Variants in GADL1 observed in about 807,000 individuals in gnomAD.
GADL1 encodes acidic amino acid decarboxylase GADL1.
A neutral mutation model predicts 69.5 loss-of-function variants in GADL1; 71 were observed. The ratio of observed to expected loss-of-function variants is 1.02; its 90% CI spans 0.84 to 1.25. GADL1 has a LOEUF of 1.25. GADL1 is among the 50% of genes most tolerant of loss of function. GADL1 has a pLI of 0.00. For missense variants in GADL1, 737 were observed against 631.8 expected, an observed-to-expected ratio of 1.17 and a Z score of -1.79; for synonymous variants, 254 against 214.4, an observed-to-expected ratio of 1.18 and a Z score of -1.62.
chr3:30,766,991 A>T (rs1696296644), intron 14 of GADL1, among the ~76,000 whole-genome samples: 1 of 152,232 alleles, frequency 6.6e-6, no homozygotes, highest in Admixed American at 6.5e-5. Context: ...AGGTAACAGG[A>T]TGAATAATAA....
intron 12 of GADL1, among the ~76,000 whole-genome samples, chr3:30,791,267 C>CA (rs1378938765): frequency 6.6e-6 from 1 of 152,134 alleles, no homozygotes; most frequent in Non-Finnish European, 1.5e-5. Context: ...TTTTCAGGCA[C>CA]AAATGTACTG....
intron 14 of GADL1, among the ~76,000 whole-genome samples, chr3:30,752,057 C>T (rs1033327060): frequency 6.6e-6 from 1 of 152,190 alleles, no homozygotes; most frequent in Non-Finnish European, 1.5e-5. Context: ...GCTACCCAGG[C>T]CCATGTGCTG....
chr3:30,842,310 T>C (rs530045541), intron 8 of GADL1, among the ~76,000 whole-genome samples: 5 of 152,078 alleles, frequency 3.3e-5, no homozygotes, highest in Admixed American at 1.3e-4. Context: ...TATACTCAAC[T>C]ATTTATAGAT....
intron 1 of GADL1, among the ~76,000 whole-genome samples, chr3:30,869,643 T>G (rs1444575590): frequency 6.6e-6 from 1 of 151,778 alleles, no homozygotes; most frequent in East Asian, 1.9e-4. Flanking sequence ...TATTTTTTTT[T>G]GAAAAGAGCA....
chr3:30,772,231 G>A (rs1223143083), intron 14 of GADL1, among the ~76,000 whole-genome samples: 1 of 152,156 alleles, frequency 6.6e-6, no homozygotes, highest in Non-Finnish European at 1.5e-5. Context: ...TGTTATAAAT[G>A]ACTAACATTA....
intron 14 of GADL1, among the ~76,000 whole-genome samples, chr3:30,768,842 A>AT (rs1696350034): frequency 6.6e-6 from 1 of 152,196 alleles, no homozygotes; most frequent in Non-Finnish European, 1.5e-5. Flanking sequence ...TTTTCACAGC[A>AT]TTTGTTCACT....
intron 11 of GADL1, among the ~76,000 whole-genome samples, chr3:30,823,312 A>G (rs188818109): frequency 2.6e-5 from 4 of 152,092 alleles, no homozygotes; most frequent in African/African-American, 7.2e-5. Flanking sequence ...GACCTGGAGT[A>G]TTATCACTTC....
chr3:30,810,340 C>G (rs1273240090), intron 11 of GADL1, among the ~76,000 whole-genome samples: 1 of 152,074 alleles, frequency 6.6e-6, no homozygotes, highest in African/African-American at 2.4e-5. Context: ...GAGAAAACAT[C>G]AGCATTTCAA....
chr3:30,761,324 A>G (rs1696125561), intron 14 of GADL1, among the ~76,000 whole-genome samples: 1 of 152,186 alleles, frequency 6.6e-6, no homozygotes, highest in African/African-American at 2.4e-5. Flanking sequence ...AATTGACTCA[A>G]TATTGGTGAA....
chr3:30,819,885 AAATT>A, intron 11 of GADL1, among the ~76,000 whole-genome samples: 1 of 152,084 alleles, frequency 6.6e-6, no homozygotes, highest in East Asian at 1.9e-4. Flanking sequence ...CTAGAGCAGA[AAATT>A]AATAGTTCAA....
chr3:30,880,433 T>C (rs1185394877), intron 1 of GADL1, among the ~76,000 whole-genome samples: 1 of 151,816 alleles, frequency 6.6e-6, no homozygotes, highest in African/African-American at 2.4e-5. Context: ...GCTGTTCTCA[T>C]GATAGTGAAT....
intron 13 of GADL1, 106 bp downstream of exon 13, chr3:30,786,249 T>C (rs1696785780): frequency 1.4e-6 from 1 of 736,032 alleles, no homozygotes; most frequent in Admixed American, 2.2e-5. Flanking sequence ...GACTTGTTTT[T>C]AACTCTGCAA....
intron 14 of GADL1, among the ~76,000 whole-genome samples, chr3:30,746,430 A>G (rs919467046): frequency 2.0e-5 from 3 of 152,216 alleles, no homozygotes; most frequent in Non-Finnish European, 4.4e-5. Context: ...ATGTGAAACC[A>G]AGTATAAGAC....
intron 12 of GADL1, among the ~76,000 whole-genome samples, chr3:30,788,668 T>A (rs753770897): frequency 6.6e-6 from 1 of 152,212 alleles, no homozygotes; most frequent in Non-Finnish European, 1.5e-5. Flanking sequence ...CTTTCAAAAT[T>A]AGTCAATCCT....
intron 8 of GADL1, among the ~76,000 whole-genome samples, chr3:30,843,546 G>A (rs1169912084): frequency 2.0e-5 from 3 of 152,178 alleles, no homozygotes; most frequent in East Asian, 1.9e-4. Flanking sequence ...GTGAGCCACC[G>A]CGCCCGGCCT....
chr3:30,795,326 T>TA (rs1432507398), intron 12 of GADL1, among the ~76,000 whole-genome samples: 5 of 152,150 alleles, frequency 3.3e-5, no homozygotes, highest in East Asian at 1.9e-4. Context: ...CTGAAAGAGT[T>TA]ACGATTATAG....
chr3:30,752,391 TAGAC>T (rs1695844738), intron 14 of GADL1, among the ~76,000 whole-genome samples: 1 of 151,736 alleles, frequency 6.6e-6, no homozygotes, highest in African/African-American at 2.4e-5. Context: ...TGCATGGAGA[TAGAC>T]ATGTATGGTG....
At chr3:30,839,752 T>C (rs1057201695) in intron 8 of GADL1, among the ~76,000 whole-genome samples, 1 of 152,126 alleles carries the variant, frequency 6.6e-6, no homozygotes, top group Non-Finnish European at 1.5e-5. Flanking sequence ...ACTTCTATCA[T>C]GGTTATTCCT....
At chr3:30,765,429 G>T (rs1430119859) in intron 14 of GADL1, among the ~76,000 whole-genome samples, 1 of 151,858 alleles carries the variant, frequency 6.6e-6, no homozygotes, top group Non-Finnish European at 1.5e-5. Context: ...TTGCCCAAAT[G>T]AAGTTCATGC....
Sources: allele counts gnomAD v4.1 joint callset (sites outside exome capture counted in the v4.1 genomes callset), GRCh38; gene constraint gnomAD v4.1.1; transcripts MANE v1.5; gene names NCBI Gene and HGNC (gene_info 2026-07-23, HGNC 2026-07-21).